Variants in SPAG16 observed in about 807,000 individuals in gnomAD.
The protein encoded by SPAG16 is sperm associated antigen 16.
In SPAG16, 86 loss-of-function variants were observed where a neutral mutation model predicts 80.4. The ratio of observed to expected loss-of-function variants is 1.07; its 90% CI spans 0.90 to 1.28. SPAG16 has a LOEUF of 1.28. Ranked by LOEUF, SPAG16 falls within the 50% of genes most tolerant of loss-of-function variation. The pLI is 0.00. For synonymous variants in SPAG16, 294 were observed against 265.9 expected, an observed-to-expected ratio of 1.11 and a Z score of -1.03; for missense variants, 870 against 765.3, an observed-to-expected ratio of 1.14 and a Z score of -1.61.
chr2:213,451,064 T>A (rs1336719221), intron 9 of SPAG16, among the ~76,000 whole-genome samples: 2 of 152,228 alleles, frequency 1.3e-5, no homozygotes, highest in African/African-American at 4.8e-5. Flanking sequence ...GTTTTACTGC[T>A]TTTATGTAAC....
At chr2:213,422,548 C>T (rs1559117327) in intron 9 of SPAG16, 1 of 447,616 alleles carries the variant, frequency 2.2e-6, no homozygotes, top group East Asian at 3.4e-5. Context: ...ATGAGCCCAG[C>T]AGGCCCAAGC....
At chr2:213,556,163 G>A (rs1373267444) in intron 10 of SPAG16, among the ~76,000 whole-genome samples, 4 of 151,418 alleles carry the variant, frequency 2.6e-5, no homozygotes, top group African/African-American at 9.7e-5. Flanking sequence ...AAAAAATGAA[G>A]AAAGGAACAA....
chr2:213,337,593 C>T (rs2064435155), intron 5 of SPAG16, among the ~76,000 whole-genome samples: 1 of 151,868 alleles, frequency 6.6e-6, no homozygotes, highest in Non-Finnish European at 1.5e-5. Flanking sequence ...GCATCAATAG[C>T]CAAAGAGACG....
chr2:213,982,782 T>G (rs2045824343), intron 12 of SPAG16, among the ~76,000 whole-genome samples: 1 of 151,998 alleles, frequency 6.6e-6, no homozygotes, highest in African/African-American at 2.4e-5. Context: ...AAGTTAACCT[T>G]GAAGTGGTCT....
intron 3 of SPAG16, among the ~76,000 whole-genome samples, chr2:213,302,008 C>T (rs2062759204): frequency 1.3e-5 from 2 of 152,138 alleles, no homozygotes; most frequent in South Asian, 4.1e-4. Flanking sequence ...CATTGTGTAT[C>T]ACTTCACCTA....
intron 5 of SPAG16, chr2:213,317,668 G>A: frequency 9.9e-7 from 1 of 1,005,370 alleles, no homozygotes; most frequent in Non-Finnish European, 1.2e-6. Context: ...TGTAAAGATA[G>A]GCTAATTTCT....
At chr2:214,263,053 C>A (rs1036587083) in intron 15 of SPAG16, among the ~76,000 whole-genome samples, 2 of 151,108 alleles carry the variant, frequency 1.3e-5, no homozygotes, top group African/African-American at 4.9e-5. Context: ...TTCATAGTTA[C>A]CTTTTATTCT....
chr2:214,046,862 T>C (rs1405313853), intron 13 of SPAG16, among the ~76,000 whole-genome samples: 1 of 150,630 alleles, frequency 6.6e-6, no homozygotes, highest in East Asian at 1.9e-4. Flanking sequence ...AAAATTAATA[T>C]ACAAAAATTG....
intron 11 of SPAG16, among the ~76,000 whole-genome samples, chr2:213,867,521 C>G (rs761068972): frequency 6.6e-6 from 1 of 152,110 alleles, no homozygotes; most frequent in Non-Finnish European, 1.5e-5. Context: ...ATTGTGAAGA[C>G]TAGTGTTATA....
chr2:214,149,322 C>A, intron 15 of SPAG16, 56 bp downstream of exon 15: 2 of 1,370,176 alleles, frequency 1.5e-6, no homozygotes, highest in South Asian at 3.5e-5. Flanking sequence ...AATATTTGTT[C>A]TGAAACTATT....
intron 10 of SPAG16, among the ~76,000 whole-genome samples, chr2:213,792,935 CT>C (rs902431203): frequency 2.7e-5 from 4 of 148,252 alleles, no homozygotes; most frequent in Admixed American, 6.7e-5. Context: ...TTAGTATTTT[CT>C]TTTTTTTTGA....
chr2:213,304,906 G>T (rs781198188), intron 3 of SPAG16, among the ~76,000 whole-genome samples: 1 of 152,116 alleles, frequency 6.6e-6, no homozygotes, highest in South Asian at 2.1e-4. Context: ...TTTCTATGAA[G>T]AATGTCATTG....
intron 14 of SPAG16, among the ~76,000 whole-genome samples, chr2:214,129,674 C>T (rs1435178466): frequency 3.9e-5 from 6 of 152,132 alleles, no homozygotes; most frequent in African/African-American, 1.4e-4. Flanking sequence ...CCATGAATTT[C>T]ATGCGAAGGC....
chr2:214,074,534 T>C (rs2050969560), intron 13 of SPAG16, among the ~76,000 whole-genome samples: 1 of 152,150 alleles, frequency 6.6e-6, no homozygotes, highest in South Asian at 2.1e-4. Context: ...CCACAACATG[T>C]ATTATTACTG....
At position 213,643,348 on chromosome 2, in the gene SPAG16, TTATATATATATATATATATATATATATA is replaced by T. The variant is rs61608932; in HGVS notation, c.1070+153294_1070+153321del. On this transcript the variant is annotated intron_variant, in intron 10 of 15. Transcript: ENST00000331683. ...CTGCCAGATGTATTGGATCTTAATT[TTATATATATATATATATATATATATATA>T]TATATATATATATATATATATATAT... Among the ~76,000 whole-genome samples the T allele has an allele frequency of 3.4e-3, 132 of 39,128 alleles. 3 individuals are homozygous for T. The highest frequency in any genetic ancestry group is 4.4e-3 in the South Asian group (4 of 914). The allele number at this position is 39,128 out of a possible 152,430, so 25.7% of individuals were successfully genotyped here.
At chr2:213,636,820 A>G (rs970494046) in intron 10 of SPAG16, among the ~76,000 whole-genome samples, 20 of 152,164 alleles carry the variant, frequency 1.3e-4, no homozygotes. Context: ...TTAAAACTTT[A>G]CAGAATTCAT....
intron 15 of SPAG16, among the ~76,000 whole-genome samples, chr2:214,248,672 C>G (rs952506943): frequency 6.6e-6 from 1 of 151,894 alleles, no homozygotes; most frequent in Non-Finnish European, 1.5e-5. Context: ...AACAAAAAGT[C>G]CTCCTGAGAT....
intron 10 of SPAG16, among the ~76,000 whole-genome samples, chr2:213,747,827 G>A (rs760413625): frequency 3.7e-4 from 56 of 152,154 alleles, no homozygotes; most frequent in Non-Finnish European, 5.9e-4. Context: ...CTATGGTTTA[G>A]CAGAAAGATC....
At chr2:213,528,995 T>C (rs1459585120) in intron 10 of SPAG16, among the ~76,000 whole-genome samples, 1 of 152,164 alleles carries the variant, frequency 6.6e-6, no homozygotes, top group Non-Finnish European at 1.5e-5. Flanking sequence ...TGATACTTGG[T>C]ATTAAATTCT....
Sources: gnomAD v4.1 joint callset for allele counts (sites outside exome capture counted in the v4.1 genomes callset) on GRCh38, gnomAD v4.1.1 for gene constraint, MANE v1.5 for transcripts, NCBI Gene and HGNC (gene_info 2026-07-23, HGNC 2026-07-21) for gene names.